The following TSSK1B variants were observed in gnomAD, a reference collection of about 807,000 sequenced individuals.
TSSK1B encodes the protein testis-specific serine/threonine-protein kinase 1.
Under a neutral mutation model 4.0 loss-of-function variants are expected in TSSK1B, and 2 were observed. The ratio of observed to expected loss-of-function variants is 0.50; its 90% CI spans 0.20 to 1.57. The LOEUF (loss-of-function observed/expected upper bound fraction) is 1.57, where lower values mean the gene tolerates loss of function less well. Ranked by LOEUF, TSSK1B falls within the 40% of genes most tolerant of loss-of-function variation. The probability of loss-of-function intolerance (pLI) is 0.22; values close to 1 mark genes in which losing one functional copy is unlikely to be tolerated. For missense variants in TSSK1B, 488 were observed against 495.1 expected (o/e 0.99, Z 0.14); for synonymous variants, 198 against 200.7 (o/e 0.99, Z 0.11).
chr5:113,434,026 T>A lies in TSSK1B; in HGVS notation c.814A>T (p.Met272Leu). Residue 272 changes from methionine to leucine, a missense_variant, in exon 1 of 1, where the codon ATG (methionine) becomes TTG (leucine). Coordinates refer to ENST00000390666, the MANE Select transcript of TSSK1B (RefSeq NM_032028.4). The surrounding 1 kb of genome is among the most constrained non-coding windows in gnomAD (Gnocchi z 4.2). Reference sequence around the variant, plus strand: ...GGAGATCCCCGTGCCTTGGGCTGCATCCAGCAGTGGCTGAGGATCTCGTCG... The same window carrying A: ...GGAGATCCCCGTGCCTTGGGCTGCAACCAGCAGTGGCTGAGGATCTCGTCG... ...HIDEILSHCW[M>L]QPKARGSPSV... 6.2e-7 allele frequency: 1 copy of A among 1,614,014 alleles called. No homozygotes were observed. The highest frequency in any genetic ancestry group is 1.3e-5 in the African/African-American group (1 of 75,060).
rs1770697407 is a variant in TSSK1B at position 113,432,680 on chromosome 5, ATTG to A, written c.*1053_*1055del. ...AAATCAAAAGTTCATGCTTTTCACT[ATTG>A]TTACATTGTTTCCAGTATTAGCTGA... On this transcript the variant is annotated 3_prime_UTR_variant, in exon 1 of 1. Transcript: ENST00000390666. 6.6e-6 allele frequency: 1 copy of A among 152,208 alleles called. No homozygotes were observed. The highest frequency in any genetic ancestry group is 2.4e-5 in the African/African-American group (1 of 41,466). The allele number at this position is 152,208 out of a possible 1,614,324, so 9.4% of individuals were successfully genotyped here.
chr5:113,434,172 T>C lies in TSSK1B; in HGVS notation c.668A>G (p.Lys223Arg), dbSNP rs1770769246. The change falls in exon 1 of 1, where the codon AAG (lysine) becomes AGG (arginine). Residue 223 changes from lysine (K) to arginine (R), a missense_variant. Lys to Arg is a conservative substitution (Grantham distance 26). Transcript: ENST00000390666. This position sits in a 1 kb window ranked among gnomAD's most constrained non-coding sequence, Gnocchi z 4.2. Reference sequence around the variant, plus strand: ...GTGCTCCTTCTGGATACGCAGCATCTTCTTGATGTTGGAGTCGTCGTAGGG... The same window carrying C: ...GTGCTCCTTCTGGATACGCAGCATCCTCTTGATGTTGGAGTCGTCGTAGGG... ...SMPYDDSNIK[K>R]MLRIQKEHRV... 1 of 1,614,036 alleles carries C rather than the reference T, an allele frequency of 6.2e-7. No homozygotes were observed. Among genetic ancestry groups the C allele is most frequent in the African/African-American group, 1.3e-5 (1 of 74,932 alleles).
Position 113,433,985 on chromosome 5 carries a change from G to T in TSSK1B, c.855C>A (p.Asn285Lys). The change falls in exon 1 of 1, where the codon AAC becomes AAA. Residue 285 changes from asparagine to lysine, a missense_variant. Transcript: ENST00000390666. ...KARGSPSVAI[N>K]KEGESSRGTE... ...TTCCCCGGGAACTCTCCCCCTCCTT[G>T]TTGATGGCCACAGAGGGAGATCCCC... The T allele has an allele frequency of 6.2e-7, 1 of 1,614,022 alleles. No homozygotes were observed. The highest frequency in any genetic ancestry group is 8.5e-7 in the Non-Finnish European group (1 of 1,179,894).
chr5:113,434,259 G>C lies in TSSK1B; in HGVS notation c.581C>G (p.Pro194Arg), dbSNP rs368448367. 10 of 1,613,992 alleles carry C rather than the reference G, an allele frequency of 6.2e-6. No individual in the cohort carries two copies. The highest frequency in any genetic ancestry group is 2.2e-5 in the East Asian group (1 of 44,886). ...PEVLQGIPYQ[P>R]KVYDIWSLGV... is the part of the protein sequence containing the mutation. ...TAGGCTCCAGATGTCGTACACCTTG[G>C]GCTGGTAGGGAATGCCCTGCAGCAC... The change falls in exon 1 of 1, where the codon CCC (proline) becomes CGC (arginine). Residue 194 changes from proline (P) to arginine (R), a missense_variant. Pro to Arg is a moderately radical substitution (Grantham distance 103, BLOSUM62 -2). Coordinates refer to ENST00000390666, the MANE Select transcript of TSSK1B (RefSeq NM_032028.4). The surrounding 1 kb of genome is among the most constrained non-coding windows in gnomAD (Gnocchi z 4.2).
rs754431398 is a variant in TSSK1B at position 113,434,751 on chromosome 5, T to A, written c.89A>T (p.Tyr30Phe). The change falls in exon 1 of 1, where the codon TAC becomes TTC. Residue 30 changes from tyrosine (Y) to phenylalanine (F), a missense_variant. Tyr to Phe is a conservative substitution (Grantham distance 22). Transcript: ENST00000390666. The surrounding 1 kb of genome is among the most constrained non-coding windows in gnomAD (Gnocchi z 4.2). ...CACATTGAACTTCAGGCGCTCAGAG[T>A]AAGCAGATTTTACTTTTGCATAGGA... The part of the protein sequence containing the change: ...EGSYAKVKSA[Y>F]SERLKFNVAI... 1 of 1,613,926 alleles carries A rather than the reference T, an allele frequency of 6.2e-7. No homozygotes were observed. The highest frequency in any genetic ancestry group is 1.3e-5 in the African/African-American group (1 of 74,912).
rs755009083 is a variant in TSSK1B, at chr5:113,433,769, G to A, written c.1071C>T (p.Pro357=). The A allele has an allele frequency of 6.2e-7, 1 of 1,613,826 alleles. No homozygotes were observed. The highest frequency in any genetic ancestry group is 2.2e-5 in the East Asian group (1 of 44,878). The change falls in exon 1 of 1, where the codon CCC becomes CCT. Residue 357 remains proline (P), a synonymous_variant. Coordinates refer to ENST00000390666, the MANE Select transcript of TSSK1B (RefSeq NM_032028.4). The stretch of plus-strand genomic sequence containing the variant: ...CCCGCGTCTCTGGAGGCTGTTGGGG[G>A]GGCCCTTCCTCTGTCTCCATAGTCG... ...KPSTMETEEG[P]PQQPPETRAQ is the part of the protein sequence containing the mutation.
At position 113,434,255 on chromosome 5, in the gene TSSK1B, C is replaced by T. The variant is rs1161283536; in HGVS notation, c.585G>A (p.Lys195=). ...CGCCTAGGCTCCAGATGTCGTACAC[C>T]TTGGGCTGGTAGGGAATGCCCTGCA... The part of the protein sequence containing the change: ...EVLQGIPYQP[K]VYDIWSLGVI... Residue 195 remains lysine, a synonymous_variant, in exon 1 of 1, where the codon AAG becomes AAA. Transcript: ENST00000390666. The surrounding 1 kb of genome is among the most constrained non-coding windows in gnomAD (Gnocchi z 4.2). 3 of 1,614,140 alleles carry T rather than the reference C, an allele frequency of 1.9e-6. No homozygotes were observed. The highest frequency in any genetic ancestry group is 2.5e-6 in the Non-Finnish European group (3 of 1,180,004).
rs769659609 is a variant in TSSK1B at position 113,434,542 on chromosome 5, C to G, written c.298G>C (p.Glu100Gln). ...MELAVQGDLL[E>Q]LIKTRGALHE... Reference sequence around the variant, plus strand: ...AGGGCTCCCCGGGTTTTGATTAACTCGAGGAGGTCGCCCTGGACCGCGAGC... The same window carrying G: ...AGGGCTCCCCGGGTTTTGATTAACTGGAGGAGGTCGCCCTGGACCGCGAGC... Residue 100 changes from glutamate to glutamine, a missense_variant, in exon 1 of 1, where the codon GAG becomes CAG. Transcript: ENST00000390666. The surrounding 1 kb of genome is among the most constrained non-coding windows in gnomAD (Gnocchi z 4.2). The G allele has an allele frequency of 6.2e-7, 1 of 1,612,678 alleles. No homozygotes were observed. The highest frequency in any genetic ancestry group is 1.7e-5 in the Admixed American group (1 of 59,944).
In TSSK1B at chr5:113,434,204, G is replaced by A. The variant is rs13185685; in HGVS notation, c.636C>T (p.Gly212=). Residue 212 remains glycine (G), a synonymous_variant, in exon 1 of 1, where the codon GGC becomes GGT. Coordinates refer to ENST00000390666, the MANE Select transcript of TSSK1B (RefSeq NM_032028.4). The surrounding 1 kb of genome is among the most constrained non-coding windows in gnomAD (Gnocchi z 4.2). ...TGTTGGAGTCGTCGTAGGGCATGGA[G>A]CCGCAGACCATGATGTAGAGGATCA... ...LGVILYIMVC[G]SMPYDDSNIK... 248 of 1,614,136 alleles carry A rather than the reference G, an allele frequency of 1.5e-4. No individual in the cohort carries two copies. The highest frequency in any genetic ancestry group is 3.3e-4 in the Middle Eastern group (2 of 6,062).
At position 113,433,352 on chromosome 5, in the gene TSSK1B, G is replaced by A. The variant is rs1770726017; in HGVS notation, c.*384C>T. The A allele has an allele frequency of 4.9e-6, 2 of 409,320 alleles. No individual in the cohort carries two copies. Among genetic ancestry groups the A allele is most frequent in the Non-Finnish European group, 9.6e-6 (2 of 209,290 alleles). The allele number at this position is 409,320 out of a possible 1,614,324, so 25.4% of individuals were successfully genotyped here. ...CCAGCAGGGTCACGCAACTGCCCCG[G>A]GGACGATGAAAGGAGGATAAATGGT... On this transcript the variant is annotated 3_prime_UTR_variant, in exon 1 of 1. Coordinates refer to ENST00000390666, the MANE Select transcript of TSSK1B (RefSeq NM_032028.4).
In TSSK1B at chr5:113,432,589, CTG is replaced by C. The variant is rs1414410365; in HGVS notation, c.*1145_*1146del. 6.6e-6 allele frequency: 1 copy of C among 152,130 alleles called. No homozygotes were observed. Among genetic ancestry groups the C allele is most frequent in the African/African-American group, 2.4e-5 (1 of 41,430 alleles). 9.4% of individuals were successfully genotyped at this position (152,130 alleles called of 1,614,324 possible). A position where few individuals can be genotyped will look rare whatever the true frequency, so the allele number is the denominator to read the frequency against. On this transcript the variant is annotated 3_prime_UTR_variant, in exon 1 of 1. Coordinates refer to ENST00000390666, the MANE Select transcript of TSSK1B (RefSeq NM_032028.4). ...TATTCTCATTTTATAGATAAAGAAA[CTG>C]AGACATATAGATTAACCAACTTGCC...
rs756349312 is a variant in TSSK1B, at chr5:113,433,765, G to C, written c.1075C>G (p.Gln359Glu). 1 of 1,613,232 alleles carries C rather than the reference G, an allele frequency of 6.2e-7. No individual in the cohort carries two copies. The highest frequency in any genetic ancestry group is 1.3e-5 in the African/African-American group (1 of 74,912). The part of the protein sequence containing the change: ...STMETEEGPP[Q>E]QPPETRAQ The stretch of plus-strand genomic sequence containing the variant: ...TGGGCCCGCGTCTCTGGAGGCTGTT[G>C]GGGGGGCCCTTCCTCTGTCTCCATA... Residue 359 changes from glutamine to glutamate, a missense_variant, in exon 1 of 1, where the codon CAA (glutamine) becomes GAA (glutamate). Coordinates refer to ENST00000390666, the MANE Select transcript of TSSK1B (RefSeq NM_032028.4).
At position 113,433,827 on chromosome 5, in the gene TSSK1B, T is replaced by G. The variant is rs1212123964; in HGVS notation, c.1013A>C (p.Gln338Pro). The G allele has an allele frequency of 6.2e-7, 1 of 1,614,016 alleles. No homozygotes were observed. The stretch of plus-strand genomic sequence containing the variant: ...GCTGGGGAAACCCAGGATCTCCGAC[T>G]GCCTGGACATTTGCATTGCTGTCCC... The part of the protein sequence containing the change: ...PEGTAMQMSR[Q>P]SEILGFPSKP... The change falls in exon 1 of 1, where the codon CAG (glutamine) becomes CCG (proline). Residue 338 changes from glutamine (Q) to proline (P), a missense_variant. Physicochemically the swap from Gln to Pro is moderately conservative, Grantham distance 76. Transcript: ENST00000390666.
Position 113,432,751 on chromosome 5 carries a change from T to C in TSSK1B, c.*985A>G, listed in dbSNP as rs1032928293. 6 of 152,184 alleles carry C rather than the reference T, an allele frequency of 3.9e-5. No homozygotes were observed. The highest frequency in any genetic ancestry group is 1.4e-4 in the African/African-American group (6 of 41,444). The allele number at this position is 152,184 out of a possible 1,614,324, so 9.4% of individuals were successfully genotyped here. On this transcript the variant is annotated 3_prime_UTR_variant, in exon 1 of 1. Coordinates refer to ENST00000390666, the MANE Select transcript of TSSK1B (RefSeq NM_032028.4). The stretch of plus-strand genomic sequence containing the variant: ...TGGATATTAGCATTTAAATAAAAAG[T>C]TGATAAGGAAAAAATAAAAATAAAA...
chr5:113,434,310 C>A lies in TSSK1B; in HGVS notation c.530G>T (p.Gly177Val). 1 of 1,614,048 alleles carries A rather than the reference C, an allele frequency of 6.2e-7. No homozygotes were observed. The highest frequency in any genetic ancestry group is 1.1e-5 in the South Asian group (1 of 91,074). Reference protein sequence around the residue: ...GRMALSKTFCGSPAYAAPEVL... With the variant: ...GRMALSKTFCVSPAYAAPEVL... ...CTCTGGGGCCGCATACGCTGGTGACCCACAGAAGGTCTTGCTTAATGCCAT... is the reference window on the plus strand; with the variant it reads ...CTCTGGGGCCGCATACGCTGGTGACACACAGAAGGTCTTGCTTAATGCCAT... Residue 177 changes from glycine (G) to valine (V), a missense_variant, in exon 1 of 1, where the codon GGG (glycine) becomes GTG (valine). Gly to Val is a moderately radical substitution (Grantham distance 109, BLOSUM62 -3). Coordinates refer to ENST00000390666, the MANE Select transcript of TSSK1B (RefSeq NM_032028.4). This position sits in a 1 kb window ranked among gnomAD's most constrained non-coding sequence, Gnocchi z 4.2.
rs201103634 is a variant in TSSK1B at position 113,434,301 on chromosome 5, G to A, written c.539C>T (p.Ala180Val). 1.4e-4 allele frequency: 233 copies of A among 1,614,098 alleles called. 1 individual carries two copies. The highest frequency in any genetic ancestry group is 6.6e-5 in the South Asian group (6 of 91,066). ...ALSKTFCGSPAYAAPEVLQGI... is the reference protein window; with the variant it reads ...ALSKTFCGSPVYAAPEVLQGI... ...CTGCAGCACCTCTGGGGCCGCATAC[G>A]CTGGTGACCCACAGAAGGTCTTGCT... is the stretch of plus-strand genomic sequence containing the variant. The change falls in exon 1 of 1, where the codon GCG becomes GTG. Residue 180 changes from alanine (A) to valine (V), a missense_variant. Physicochemically the swap from Ala to Val is moderately conservative, Grantham distance 64 (BLOSUM62 0). Transcript: ENST00000390666. This position sits in a 1 kb window ranked among gnomAD's most constrained non-coding sequence, Gnocchi z 4.2.
chr5:113,433,660 T>C lies in TSSK1B; in HGVS notation c.*76A>G. The C allele has an allele frequency of 6.7e-7, 1 of 1,503,548 alleles. No homozygotes were observed. Among genetic ancestry groups the C allele is most frequent in the Non-Finnish European group, 8.9e-7 (1 of 1,122,418 alleles). 93.1% of individuals were successfully genotyped at this position (1,503,548 alleles called of 1,614,324 possible). A position where few individuals can be genotyped will look rare whatever the true frequency, so the allele number is the denominator to read the frequency against. ...CTCATCTGGGACTGCCTTCCTTCTC[T>C]GGCTCCACCCTTGACTTCTTCAGAG... On this transcript the variant is annotated 3_prime_UTR_variant, in exon 1 of 1. Transcript: ENST00000390666.
rs368983560 is a variant in TSSK1B at position 113,433,763 on chromosome 5, T to C, written c.1077A>G (p.Gln359=). The change falls in exon 1 of 1, where the codon CAA becomes CAG. Residue 359 remains glutamine (Q), a synonymous_variant. Coordinates refer to ENST00000390666, the MANE Select transcript of TSSK1B (RefSeq NM_032028.4). ...STMETEEGPP[Q]QPPETRAQ Reference sequence around the variant, plus strand: ...ACTGGGCCCGCGTCTCTGGAGGCTGTTGGGGGGGCCCTTCCTCTGTCTCCA... The same window carrying C: ...ACTGGGCCCGCGTCTCTGGAGGCTGCTGGGGGGGCCCTTCCTCTGTCTCCA... 3.7e-6 allele frequency: 6 copies of C among 1,613,624 alleles called. No individual in the cohort carries two copies. The highest frequency in any genetic ancestry group is 3.3e-5 in the Admixed American group (2 of 59,986).
In TSSK1B at chr5:113,434,528, G is replaced by T. The variant is rs1301034759; in HGVS notation, c.312C>A (p.Thr104=). 1.2e-6 allele frequency: 2 copies of T among 1,612,672 alleles called. No individual in the cohort carries two copies. The highest frequency in any genetic ancestry group is 3.3e-5 in the Admixed American group (2 of 59,980). ...VQGDLLELIK[T]RGALHEDEAR... Reference sequence around the variant, plus strand: ...CTTCGTCCTCATGCAGGGCTCCCCGGGTTTTGATTAACTCGAGGAGGTCGC... The same window carrying T: ...CTTCGTCCTCATGCAGGGCTCCCCGTGTTTTGATTAACTCGAGGAGGTCGC... Residue 104 remains threonine, a synonymous_variant, in exon 1 of 1, where the codon ACC becomes ACA. Transcript: ENST00000390666. The surrounding 1 kb of genome is among the most constrained non-coding windows in gnomAD (Gnocchi z 4.2).
Sources: gnomAD v4.1 joint callset for allele counts on GRCh38, gnomAD v4.1.1 for gene constraint, Gnocchi (gnomAD v3.1) non-coding constraint, MANE v1.5 for transcripts, NCBI Gene and HGNC (gene_info 2026-07-23, HGNC 2026-07-21) for gene names.